JAKMIP3: variants seen among roughly 807,000 people sequenced by gnomAD.
JAKMIP3 encodes janus kinase and microtubule-interacting protein 3.
JAKMIP3 carries 58 observed loss-of-function variants against 118.5 expected under a neutral mutation model. The ratio of observed to expected loss-of-function variants is 0.49; its 90% confidence interval spans 0.40 to 0.61. The LOEUF (loss-of-function observed/expected upper bound fraction) is 0.61. Among genes scored for constraint, JAKMIP3 ranks in the 20% least tolerant of loss-of-function variants. The probability of loss-of-function intolerance (pLI) is 0.00; values close to 1 mark genes in which losing one functional copy is unlikely to be tolerated. For missense variants in JAKMIP3, 950 were observed against 1,109.0 expected (o/e 0.86, Z 2.04); for synonymous variants, 486 against 451.2 (o/e 1.08, Z -0.98).
rs2818383 is a variant in JAKMIP3, at chr10:132,148,060, T to C, written c.1848+10T>C. 0.59 allele frequency: 941,307 copies of C among 1,582,220 alleles called. 287,411 individuals carry two copies. Among genetic ancestry groups the C allele is most frequent in the Admixed American group, 0.78 (44,700 of 57,460 alleles). On this transcript the variant is annotated intron_variant, in intron 14 of 23. Transcript: ENST00000684848. ...GATCCTGGAGCTTGAGGTAGCTGAGTGGATGGCCAGCACTGTGGCCTGTGG... is the reference window on the plus strand; with the variant it reads ...GATCCTGGAGCTTGAGGTAGCTGAGCGGATGGCCAGCACTGTGGCCTGTGG...
At chr10:132,156,919 T>A (rs1423850402) in intron 19 of JAKMIP3, among the ~76,000 whole-genome samples, 1 of 152,124 alleles carries the variant, frequency 6.6e-6, no homozygotes, top group Non-Finnish European at 1.5e-5. Flanking sequence ...ATAGTTCTGA[T>A]TTACAACACA....
At chr10:132,095,496 T>C (rs1215735609) in intron 1 of JAKMIP3, among the ~76,000 whole-genome samples, 1 of 151,978 alleles carries the variant, frequency 6.6e-6, no homozygotes, top group East Asian at 1.9e-4. Context: ...GCAGTGGGGG[T>C]GTGTGTTTGG....
chr10:132,166,590 C>T (rs926614053), intron 21 of JAKMIP3, among the ~76,000 whole-genome samples: 1 of 152,182 alleles, frequency 6.6e-6, no homozygotes, highest in African/African-American at 2.4e-5. Flanking sequence ...CAACGTTCAC[C>T]ATTATTATTA....
At chr10:132,159,723 CAT>C (rs1354239339) in intron 19 of JAKMIP3, among the ~76,000 whole-genome samples, 9 of 54,516 alleles carry the variant, frequency 1.7e-4, no homozygotes, top group African/African-American at 6.5e-4. Flanking sequence ...ATGCTGGGGG[CAT>C]GTCTTCCTGT....
chr10:132,133,589 G>A, intron 4 of JAKMIP3, 62 bp downstream of exon 4: 1 of 1,390,238 alleles, frequency 7.2e-7, no homozygotes, highest in Non-Finnish European at 9.9e-7. Flanking sequence ...CCATGTGGCT[G>A]CATGGCCCTG....
chr10:132,046,557 C>G (rs9419321), intron 1 of JAKMIP3, among the ~76,000 whole-genome samples: 73,689 of 151,996 alleles, frequency 0.48, 18,943 homozygotes, highest in East Asian at 0.97. Flanking sequence ...GTGTCCAGCT[C>G]GCCCAACCTC....
intron 2 of JAKMIP3, among the ~76,000 whole-genome samples, chr10:132,107,222 A>G (rs2046051592): frequency 6.6e-6 from 1 of 152,138 alleles, no homozygotes; most frequent in Non-Finnish European, 1.5e-5. Flanking sequence ...CAAAAACACC[A>G]CATGTGGACA....
intron 9 of JAKMIP3, among the ~76,000 whole-genome samples, chr10:132,138,702 A>C (rs1362993043): frequency 2.6e-5 from 4 of 152,224 alleles, no homozygotes; most frequent in African/African-American, 4.8e-5. Flanking sequence ...AGCAATGAAG[A>C]GGTGCCGGCT....
chr10:132,166,050 G>A (rs976656615), intron 21 of JAKMIP3, among the ~76,000 whole-genome samples: 3 of 152,228 alleles, frequency 2.0e-5, no homozygotes, highest in South Asian at 2.1e-4. Context: ...AGGGCTAGGC[G>A]TGGTGGCTCA....
At chr10:132,164,812 C>T (rs1021700268) in intron 21 of JAKMIP3, 77 bp downstream of exon 21, 6 of 1,002,526 alleles carry the variant, frequency 6.0e-6, no homozygotes, top group South Asian at 1.3e-5. Context: ...ACCTGAGTCA[C>T]TCAGCTCCAG....
chr10:132,060,727 T>G (rs957641853), upstream of JAKMIP3, among the ~76,000 whole-genome samples: 7 of 152,118 alleles, frequency 4.6e-5, no homozygotes, highest in Non-Finnish European at 8.8e-5. Flanking sequence ...ACATAGAAAA[T>G]ACAAGAGAAT....
intron 21 of JAKMIP3, 63 bp downstream of exon 21, chr10:132,164,798 C>A: frequency 8.7e-7 from 1 of 1,153,478 alleles, no homozygotes; most frequent in South Asian, 1.2e-5. Context: ...CCGGTGTCAC[C>A]CCGACCTGAG....
Position 132,183,841 on chromosome 10 carries a change from T to C in JAKMIP3, c.*2588T>C, listed in dbSNP as rs2061661991. On this transcript the variant is annotated 3_prime_UTR_variant, in exon 24 of 24. Transcript: ENST00000684848. The stretch of plus-strand genomic sequence containing the variant: ...AGCATTTATCACTGACTCCTCCTGG[T>C]CCAGTGAGCAGCAGCAGAATTCAAG... 1 of 152,196 alleles carries C rather than the reference T, an allele frequency of 6.6e-6. No homozygotes were observed. The highest frequency in any genetic ancestry group is 1.5e-5 in the Non-Finnish European group (1 of 68,042). The allele number at this position is 152,196 out of a possible 1,614,324, so 9.4% of individuals were successfully genotyped here.
At chr10:132,167,448 G>C (rs1299496426) in intron 22 of JAKMIP3, among the ~76,000 whole-genome samples, 1 of 152,178 alleles carries the variant, frequency 6.6e-6, no homozygotes, top group Non-Finnish European at 1.5e-5. Context: ...TCTTTTCTGG[G>C]TGGTGCTGAG....
At chr10:132,102,650 G>A (rs930797716) in intron 1 of JAKMIP3, among the ~76,000 whole-genome samples, 2 of 152,146 alleles carry the variant, frequency 1.3e-5, no homozygotes, top group Non-Finnish European at 2.9e-5. Context: ...GGTCACCTCC[G>A]ACCCTCCTTT....
chr10:132,105,697 G>T (rs1020490358), intron 2 of JAKMIP3, among the ~76,000 whole-genome samples: 3 of 152,192 alleles, frequency 2.0e-5, no homozygotes, highest in Admixed American at 2.0e-4. Flanking sequence ...GTGTGCCCAG[G>T]TTCCTGGAAG....
intron 9 of JAKMIP3, among the ~76,000 whole-genome samples, chr10:132,140,094 TGG>T (rs1008748307): frequency 6.6e-6 from 1 of 152,152 alleles, no homozygotes; most frequent in Non-Finnish European, 1.5e-5. Flanking sequence ...AATGCATCAC[TGG>T]GAATGAGATC....
At chr10:132,155,108 G>A (rs1041480801) in intron 19 of JAKMIP3, among the ~76,000 whole-genome samples, 52 of 84,538 alleles carry the variant, frequency 6.2e-4, no homozygotes, top group African/African-American at 2.3e-3. Context: ...TGATGGTGGC[G>A]ATGATGGTCA....
upstream of JAKMIP3, among the ~76,000 whole-genome samples, chr10:132,059,806 C>T (rs1589726296): frequency 6.6e-6 from 1 of 152,350 alleles, no homozygotes; most frequent in East Asian, 1.9e-4. Context: ...TGCTAATTTG[C>T]AGGTGTTCAA....
Sources: allele counts gnomAD v4.1 joint callset (sites outside exome capture counted in the v4.1 genomes callset), GRCh38; gene constraint gnomAD v4.1.1; transcripts MANE v1.5; gene names NCBI Gene and HGNC (gene_info 2026-07-23, HGNC 2026-07-21).